Variants in LBP observed in about 807,000 individuals in gnomAD.
LBP encodes the protein lipopolysaccharide-binding protein.
A neutral mutation model predicts 56.6 loss-of-function variants in LBP; 53 were observed. That is an observed-to-expected ratio of 0.94 (90% CI 0.75 to 1.18). The LOEUF (loss-of-function observed/expected upper bound fraction) is 1.18, where lower values mean the gene tolerates loss of function less well. Among genes scored for constraint, LBP ranks in the 50% most tolerant of loss-of-function variants. LBP has a pLI of 0.00. For synonymous variants in LBP, 227 were observed against 247.5 expected (o/e 0.92, Z 0.78); for missense variants, 601 against 598.3 (o/e 1.00, Z -0.05).
chr20:38,369,450 G>A (rs2076894010), intron 10 of LBP, among the ~76,000 whole-genome samples: 1 of 152,190 alleles, frequency 6.6e-6, no homozygotes, highest in Non-Finnish European at 1.5e-5. Flanking sequence ...CTCTCACTAT[G>A]TGAGTCTGGG....
intron 12 of LBP, 128 bp downstream of exon 12, chr20:38,371,450 G>A (rs1351428337): frequency 7.2e-6 from 5 of 690,070 alleles, no homozygotes; most frequent in Admixed American, 2.8e-5. Context: ...CTGCAGAAGT[G>A]TAAAAGGTCT....
chr20:38,373,122 C>T lies in LBP; in HGVS notation c.1311C>T (p.Tyr437=), dbSNP rs749890235. The change falls in exon 13 of 15, where the codon TAC becomes TAT. Residue 437 remains tyrosine (Y), a synonymous_variant. Coordinates refer to ENST00000217407, the MANE Select transcript of LBP (RefSeq NM_004139.5). ...LLNYYILNTF[Y]PKFNDKLAEG... is the part of the protein sequence containing the mutation. The stretch of plus-strand genomic sequence containing the variant: ...ACTATTACATCCTTAACACCTTCTA[C>T]CCCAAGTTCAATGGTAAGAATCACT... The T allele has an allele frequency of 1.2e-6, 2 of 1,613,416 alleles. No individual in the cohort carries two copies. The highest frequency in any genetic ancestry group is 1.7e-6 in the Non-Finnish European group (2 of 1,179,330).
chr20:38,358,191 T>C (rs556278182), intron 5 of LBP, among the ~76,000 whole-genome samples: 2 of 152,290 alleles, frequency 1.3e-5, no homozygotes, highest in South Asian at 2.1e-4. Flanking sequence ...AAAAACACCC[T>C]GGGAAGCACT....
rs113030679 is a variant in LBP, at chr20:38,358,273, T to C, written c.589-2431T>C. 4.4e-3 allele frequency among the ~76,000 whole-genome samples: 677 copies of C among 152,304 alleles called. 10 individuals carry two copies. The highest frequency in any genetic ancestry group is 0.016 in the African/African-American group (647 of 41,558). ...AGGTTCTGCAAAGGTCAAACAGCCA[T>C]TGGGGACTGGGCAGGATTTGAATCC... On this transcript the variant is annotated intron_variant, in intron 5 of 14. Coordinates refer to ENST00000217407, the MANE Select transcript of LBP (RefSeq NM_004139.5).
intron 1 of LBP, among the ~76,000 whole-genome samples, chr20:38,348,746 A>AAGTTTAGTTT (rs375624891): frequency 0.021 from 2,873 of 137,064 alleles, 53 homozygotes; most frequent in South Asian, 0.05. Flanking sequence ...CCAATGAGGA[A>AAGTTTAGTTT]AGTTTAGTTT....
chr20:38,358,854 G>A (rs1488175314), intron 5 of LBP, among the ~76,000 whole-genome samples: 3 of 152,290 alleles, frequency 2.0e-5, no homozygotes, highest in African/African-American at 4.8e-5. Context: ...TTTAAAGTGA[G>A]GACTTTCTCA....
chr20:38,352,454 A>G (rs545165253), intron 3 of LBP, among the ~76,000 whole-genome samples: 2 of 152,282 alleles, frequency 1.3e-5, no homozygotes, highest in African/African-American at 4.8e-5. Context: ...AAAAACAAAC[A>G]AACAAACAAA....
In LBP at chr20:38,350,968, A is replaced by G. The variant is rs771803693; in HGVS notation, c.368+29A>G. ...AGTTGGCTCTGCTCCCAGGCCCTGG[A>G]GCTCTTGGCCTTGGCCTTCGCCCCA... On this transcript the variant is annotated intron_variant, in intron 3 of 14. Transcript: ENST00000217407. 2.3e-5 allele frequency: 37 copies of G among 1,608,326 alleles called. No homozygotes were observed. The South Asian group carries it at 3.5e-4, about 15-fold the overall frequency.
intron 8 of LBP, among the ~76,000 whole-genome samples, chr20:38,365,234 C>CA (rs10627735): frequency 0.015 from 1,483 of 96,626 alleles, 100 homozygotes; most frequent in African/African-American, 0.053. Flanking sequence ...GACCCTGTCT[C>CA]AAAAAAAAAA....
chr20:38,359,004 G>C (rs1198748200), intron 5 of LBP, among the ~76,000 whole-genome samples: 1 of 152,202 alleles, frequency 6.6e-6, no homozygotes, highest in Non-Finnish European at 1.5e-5. Flanking sequence ...TCTCTTGATT[G>C]ACATTGCCCT....
chr20:38,365,265 C>T (rs1256787109), intron 8 of LBP, among the ~76,000 whole-genome samples: 1 of 150,852 alleles, frequency 6.6e-6, no homozygotes, highest in Non-Finnish European at 1.5e-5. Context: ...CTCTTCCTCC[C>T]TTATAACAAC....
chr20:38,355,821 A>G lies in LBP; in HGVS notation c.588+412A>G, dbSNP rs531138190. Among the ~76,000 whole-genome samples the G allele has an allele frequency of 2.8e-4, 43 of 152,212 alleles. 1 individual carries two copies. The highest frequency in any genetic ancestry group is 1.0e-3 in the African/African-American group (42 of 41,500). ...GGCCAGGTGGGAACTGGGCGAGCTC[A>G]TGAGCACCAGCCCTGGATGGGGAGG... On this transcript the variant is annotated intron_variant, in intron 5 of 14. Coordinates refer to ENST00000217407, the MANE Select transcript of LBP (RefSeq NM_004139.5).
At chr20:38,349,059 T>G (rs2076811326) in intron 1 of LBP, among the ~76,000 whole-genome samples, 1 of 152,138 alleles carries the variant, frequency 6.6e-6, no homozygotes, top group Non-Finnish European at 1.5e-5. Context: ...CCTCCCAAAG[T>G]GCTGGGATTA....
rs2122593424 is a variant in LBP at position 38,349,610 on chromosome 20, A to G, written c.187A>G (p.Thr63Ala). Reference sequence around the variant, plus strand: ...GCTCAGGATCACGCTGCCTGACTTCACCGGGGACTTGAGGATCCCCCACGT... The same window carrying G: ...GCTCAGGATCACGCTGCCTGACTTCGCCGGGGACTTGAGGATCCCCCACGT... ...ELLRITLPDF[T>A]GDLRIPHVGR... The change falls in exon 2 of 15, where the codon ACC (threonine) becomes GCC (alanine). Residue 63 changes from threonine to alanine, a missense_variant. Thr to Ala is a moderately conservative substitution (Grantham distance 58). Transcript: ENST00000217407. The G allele has an allele frequency of 1.2e-6, 2 of 1,612,022 alleles. No homozygotes were observed. The highest frequency in any genetic ancestry group is 4.5e-5 in the East Asian group (2 of 44,830).
rs1375292281 is a variant in LBP, at chr20:38,350,695, A to G, written c.240-116A>G. ...GATGCCTGGGGCACAGCAGGTGCTT[A>G]CCTGGAGCAGATCCTGCTGGTCTAG... On this transcript the variant is annotated intron_variant, in intron 2 of 14. Coordinates refer to ENST00000217407, the MANE Select transcript of LBP (RefSeq NM_004139.5). The G allele has an allele frequency of 1.3e-5, 16 of 1,195,210 alleles. No homozygotes were observed. The East Asian group carries it at 3.6e-4, about 27-fold the overall frequency. 74.0% of individuals were successfully genotyped at this position (1,195,210 alleles called of 1,614,324 possible).
Position 38,376,757 on chromosome 20 carries a change from A to G in LBP, c.*88A>G. 1 of 1,330,402 alleles carries G rather than the reference A, an allele frequency of 7.5e-7. No homozygotes were observed. The highest frequency in any genetic ancestry group is 1.1e-6 in the Non-Finnish European group (1 of 926,264). 82.4% of individuals were successfully genotyped at this position (1,330,402 alleles called of 1,614,324 possible). On this transcript the variant is annotated 3_prime_UTR_variant, in exon 15 of 15. Coordinates refer to ENST00000217407, the MANE Select transcript of LBP (RefSeq NM_004139.5). The stretch of plus-strand genomic sequence containing the variant: ...AGCACGTCTCAGAGATTCTTGAAGA[A>G]TGAAGACATTTCTGCTCTCAGCTCC...
In LBP at chr20:38,350,937, C is replaced by T. The variant is rs747442584; in HGVS notation, c.366C>T (p.Phe122=). The change falls in exon 3 of 15, where the codon TTC becomes TTT. Residue 122 remains phenylalanine, a splice_region_variant and synonymous_variant. Coordinates refer to ENST00000217407, the MANE Select transcript of LBP (RefSeq NM_004139.5). ...VQGRWKVRKS[F]FKLQGSFDVS... ...GCAGGTGGAAGGTGCGCAAGTCATTCTTGTAAGTTGGCTCTGCTCCCAGGC... is the reference window on the plus strand; with the variant it reads ...GCAGGTGGAAGGTGCGCAAGTCATTTTTGTAAGTTGGCTCTGCTCCCAGGC... 14 of 1,613,310 alleles carry T rather than the reference C, an allele frequency of 8.7e-6. No homozygotes were observed. The highest frequency in any genetic ancestry group is 1.2e-5 in the Non-Finnish European group (14 of 1,179,402).
chr20:38,357,743 G>C (rs900084620), intron 5 of LBP, among the ~76,000 whole-genome samples: 1 of 152,212 alleles, frequency 6.6e-6, no homozygotes, highest in African/African-American at 2.4e-5. Flanking sequence ...TATTTCTTGA[G>C]TCTGTGCTAA....
At chr20:38,361,936 A>AATGGAATC (rs1478287610) in intron 6 of LBP, among the ~76,000 whole-genome samples, 1 of 152,022 alleles carries the variant, frequency 6.6e-6, no homozygotes, top group African/African-American at 2.4e-5. Flanking sequence ...TTTGCACATG[A>AATGGAATC]ATGGAATCAG....
Sources: gnomAD v4.1 joint callset for allele counts (sites outside exome capture counted in the v4.1 genomes callset) on GRCh38, gnomAD v4.1.1 for gene constraint, MANE v1.5 for transcripts, NCBI Gene and HGNC (gene_info 2026-07-23, HGNC 2026-07-21) for gene names.